The following SPACA3 variants were observed in gnomAD, a reference collection of about 807,000 sequenced individuals.
The protein encoded by SPACA3 is sperm acrosome associated 3.
A neutral mutation model predicts 24.5 loss-of-function variants in SPACA3; 21 were observed. The ratio of observed to expected loss-of-function variants is 0.86; its 90% CI spans 0.61 to 1.24. SPACA3 has a LOEUF of 1.24. Among genes scored for constraint, SPACA3 ranks in the 50% most tolerant of loss-of-function variants. The pLI is 0.00. For synonymous variants in SPACA3, 115 were observed against 106.9 expected (o/e 1.08, Z -0.47); for missense variants, 278 against 275.5 (o/e 1.01, Z -0.06).
intron 2 of SPACA3, 22 bp from the exon 3 acceptor site, chr17:32,996,821 G>A (rs1273422020): frequency 2.0e-6 from 3 of 1,513,500 alleles, no homozygotes; most frequent in African/African-American, 2.8e-5. Flanking sequence ...TGACCCCCAG[G>A]CCTATGCTCT....
intron 1 of SPACA3, among the ~76,000 whole-genome samples, chr17:32,994,875 T>C (rs972856831): frequency 6.6e-6 from 1 of 152,130 alleles, no homozygotes; most frequent in Admixed American, 6.6e-5. Context: ...GGAGAAGGGC[T>C]TTTTGCAGGT....
At chr17:32,997,087 C>T in intron 3 of SPACA3, 86 bp downstream of exon 3, 3 of 1,416,014 alleles carry the variant, frequency 2.1e-6, no homozygotes, top group Middle Eastern at 2.4e-4. Context: ...CTACCCCCAT[C>T]TCTGAGTGAG....
rs141069163 is a variant in SPACA3 at position 32,996,227 on chromosome 17, C to T, written c.343+510C>T. Among the ~76,000 whole-genome samples the T allele has an allele frequency of 5.0e-3, 764 of 152,232 alleles. 14 individuals carry two copies. The highest frequency in any genetic ancestry group is 0.037 in the Admixed American group (560 of 15,292). On this transcript the variant is annotated intron_variant, in intron 2 of 4. Transcript: ENST00000269053. ...TGTAGGCTGGGTGCAGTGGCTCAGGCCTGTAATCCCAGCACTTTGGGAGGC... is the reference window on the plus strand; with the variant it reads ...TGTAGGCTGGGTGCAGTGGCTCAGGTCTGTAATCCCAGCACTTTGGGAGGC...
chr17:32,995,072 C>A (rs1472550466), intron 1 of SPACA3, among the ~76,000 whole-genome samples: 2 of 152,164 alleles, frequency 1.3e-5, no homozygotes, highest in African/African-American at 4.8e-5. Flanking sequence ...GACAGTTGGG[C>A]TGAGAGACCC....
At chr17:32,993,466 G>A (rs1437797292) in intron 1 of SPACA3, among the ~76,000 whole-genome samples, 1 of 152,196 alleles carries the variant, frequency 6.6e-6, no homozygotes, top group African/African-American at 2.4e-5. Context: ...GGATAAGGAG[G>A]AGAGTCAGCC....
At chr17:32,995,214 C>T (rs1025742932) in intron 1 of SPACA3, among the ~76,000 whole-genome samples, 195 bp from the exon 2 acceptor site, 54 of 152,126 alleles carry the variant, frequency 3.5e-4, no homozygotes, top group East Asian at 5.8e-4. Context: ...CTAAATAATC[C>T]GTAACGTGTA....
intron 1 of SPACA3, among the ~76,000 whole-genome samples, chr17:32,993,889 G>A (rs550006211): frequency 6.6e-6 from 1 of 152,050 alleles, no homozygotes; most frequent in Non-Finnish European, 1.5e-5. Context: ...GCTTGGTGAT[G>A]GGAAGGACAA....
rs748796307 is a variant in SPACA3 at position 32,997,707 on chromosome 17, C to T, written c.582-5C>T. On this transcript the variant is annotated splice_region_variant and splice_polypyrimidine_tract_variant and intron_variant, in intron 4 of 4. Coordinates refer to ENST00000269053, the MANE Select transcript of SPACA3 (RefSeq NM_173847.5). ...TCTCTCCTCTTCCCTGTTCTCCATC[C>T]TCAGGGAGGCCTGGAGGCATCACTG... The T allele has an allele frequency of 6.2e-7, 1 of 1,613,996 alleles. No individual in the cohort carries two copies.
At chr17:32,992,788 A>G (rs2091697391) in intron 1 of SPACA3, 2 of 431,916 alleles carry the variant, frequency 4.6e-6, no homozygotes, top group Admixed American at 2.8e-5. Flanking sequence ...CTGCTGAAAC[A>G]TAACGTGTGA....
chr17:32,992,631 TG>T (rs1387741156), intron 1 of SPACA3, among the ~76,000 whole-genome samples: 1 of 151,966 alleles, frequency 6.6e-6, no homozygotes, highest in East Asian at 1.9e-4. Context: ...TGTGAGAGTG[TG>T]GGGGGTGGTG....
Position 32,995,572 on chromosome 17 carries a change from A to G in SPACA3, c.198A>G (p.Pro66=), listed in dbSNP as rs2091716774. The G allele has an allele frequency of 6.2e-7, 1 of 1,614,214 alleles. No homozygotes were observed. Among genetic ancestry groups the G allele is most frequent in the South Asian group, 1.1e-5 (1 of 91,082 alleles). The change falls in exon 2 of 5, where the codon CCA becomes CCG. Residue 66 remains proline, a synonymous_variant. Coordinates refer to ENST00000269053, the MANE Select transcript of SPACA3 (RefSeq NM_173847.5). Reference sequence around the variant, plus strand: ...GGGCTCTCAGAAGGCGGTGGTGCCCAGCTGGGATCATGTTGTTGGCCCTGG... The same window carrying G: ...GGGCTCTCAGAAGGCGGTGGTGCCCGGCTGGGATCATGTTGTTGGCCCTGG... ...RSRALRRRWC[P]AGIMLLALVC...
chr17:32,994,026 A>G (rs924324888), intron 1 of SPACA3, among the ~76,000 whole-genome samples: 1 of 152,150 alleles, frequency 6.6e-6, no homozygotes, highest in Non-Finnish European at 1.5e-5. Flanking sequence ...TAAGGCAGAA[A>G]GAGGAAGAAA....
At chr17:32,997,607 T>C in intron 4 of SPACA3, 84 bp downstream of exon 4, 1 of 1,545,624 alleles carries the variant, frequency 6.5e-7, no homozygotes, top group East Asian at 2.2e-5. Flanking sequence ...CTTTCCTTCC[T>C]CACTTCTGGT....
intron 3 of SPACA3, 101 bp from the exon 4 acceptor site, chr17:32,997,344 T>TGTGTGTAG (rs140846693): frequency 0.017 from 10,164 of 597,852 alleles, 54 homozygotes; most frequent in Middle Eastern, 0.033. Flanking sequence ...TGTGTGTGTG[T>TGTGTGTAG]AGAGAGAGAG....
In SPACA3 at chr17:32,997,701, T is replaced by C. The variant is rs779581872; in HGVS notation, c.582-11T>C. On this transcript the variant is annotated splice_polypyrimidine_tract_variant and intron_variant, in intron 4 of 4. Transcript: ENST00000269053. ...ATATTATCTCTCCTCTTCCCTGTTC[T>C]CCATCCTCAGGGAGGCCTGGAGGCA... 2 of 1,613,734 alleles carry C rather than the reference T, an allele frequency of 1.2e-6. No homozygotes were observed. Among genetic ancestry groups the C allele is most frequent in the South Asian group, 1.1e-5 (1 of 91,062 alleles).
At position 32,997,437 on chromosome 17, in the gene SPACA3, C is replaced by T; in HGVS notation, c.503-8C>T. ...TCTCTCATTGTGTTTCTCTGCCTATCACCCCAGATTTGTTGAATCCTAATC... is the reference window on the plus strand; with the variant it reads ...TCTCTCATTGTGTTTCTCTGCCTATTACCCCAGATTTGTTGAATCCTAATC... On this transcript the variant is annotated splice_polypyrimidine_tract_variant and splice_region_variant and intron_variant, in intron 3 of 4. Transcript: ENST00000269053. 1 of 1,613,318 alleles carries T rather than the reference C, an allele frequency of 6.2e-7. No individual in the cohort carries two copies.
Position 32,991,904 on chromosome 17 carries a change from G to T in SPACA3, c.-35G>T. 6.2e-7 allele frequency: 1 copy of T among 1,612,612 alleles called. No homozygotes were observed. The highest frequency in any genetic ancestry group is 1.1e-5 in the South Asian group (1 of 91,046). On this transcript the variant is annotated 5_prime_UTR_variant, in exon 1 of 5. Coordinates refer to ENST00000269053, the MANE Select transcript of SPACA3 (RefSeq NM_173847.5). Reference sequence around the variant, plus strand: ...TGGGGGACATCTTGAGCTGAAGCAGGGTTTTGAGCCACTGCTGCTGCTGCC... The same window carrying T: ...TGGGGGACATCTTGAGCTGAAGCAGTGTTTTGAGCCACTGCTGCTGCTGCC...
rs761508766 is a variant in SPACA3 at position 32,995,435 on chromosome 17, C to G, written c.61C>G (p.Pro21Ala). The change falls in exon 2 of 5, where the codon CCT becomes GCT. Residue 21 changes from proline (P) to alanine (A), a missense_variant. Pro to Ala is a conservative substitution (Grantham distance 27). Transcript: ENST00000269053. ...GGTGCACTCAAGCCCTGTTTCTTCT[C>G]CTTCTGTGAGTGGACCACGGAGGCT... Reference protein sequence around the residue: ...IRVHSSPVSSPSVSGPRRLVS... With the variant: ...IRVHSSPVSSASVSGPRRLVS... 6.2e-7 allele frequency: 1 copy of G among 1,608,800 alleles called. No homozygotes were observed. Among genetic ancestry groups the G allele is most frequent in the Non-Finnish European group, 8.5e-7 (1 of 1,176,910 alleles).
At chr17:32,997,055 G>T (rs28960) in intron 3 of SPACA3, 54 bp downstream of exon 3, 24,411 of 1,468,740 alleles carry the variant, frequency 0.017, 226 homozygotes, top group Non-Finnish European at 0.019. Flanking sequence ...ATTAGCTTTT[G>T]TTCCATTCCC....
Sources: allele counts gnomAD v4.1 joint callset (sites outside exome capture counted in the v4.1 genomes callset), GRCh38; gene constraint gnomAD v4.1.1; transcripts MANE v1.5; gene names NCBI Gene and HGNC (gene_info 2026-07-23, HGNC 2026-07-21).